Variants in PARP16 observed in about 807,000 individuals in gnomAD.
The protein encoded by PARP16 is protein mono-ADP-ribosyltransferase PARP16.
PARP16 carries 31 observed loss-of-function variants against 35.0 expected under a neutral mutation model. The observed-to-expected ratio is 0.88, with a 90% CI of 0.66 to 1.19. The LOEUF (loss-of-function observed/expected upper bound fraction) is 1.19. Ranked by LOEUF, PARP16 falls within the 50% of genes most tolerant of loss-of-function variation. The pLI, the probability that PARP16 is intolerant of heterozygous loss-of-function variation, is 0.00. For synonymous variants in PARP16, 162 were observed against 169.5 expected (o/e 0.96, Z 0.34); for missense variants, 424 against 411.2 (o/e 1.03, Z -0.27).
At chr15:65,237,743 C>T (rs2088925611) in intron 3 of PARP16, among the ~76,000 whole-genome samples, 1 of 152,192 alleles carries the variant, frequency 6.6e-6, no homozygotes, top group Admixed American at 6.5e-5. Context: ...TTCTGGCCTC[C>T]AGAACTGTAA....
chr15:65,244,193 G>A (rs138437265), intron 3 of PARP16, among the ~76,000 whole-genome samples: 1 of 152,114 alleles, frequency 6.6e-6, no homozygotes, highest in African/African-American at 2.4e-5. Flanking sequence ...TATATCCAGG[G>A]GATGGCCTGC....
chr15:65,277,117 C>T (rs1314988427), intron 1 of PARP16, among the ~76,000 whole-genome samples: 5 of 152,084 alleles, frequency 3.3e-5, no homozygotes, highest in Non-Finnish European at 7.3e-5. Flanking sequence ...CTTTGCTTAA[C>T]AGTACCTCCT....
intron 2 of PARP16, among the ~76,000 whole-genome samples, chr15:65,268,750 C>T (rs2089986642): frequency 6.6e-6 from 1 of 151,720 alleles, no homozygotes; most frequent in African/African-American, 2.4e-5. Context: ...TAGTCCATTT[C>T]AGTGGTTTTT....
At chr15:65,267,382 C>CG (rs1272456939) in intron 2 of PARP16, among the ~76,000 whole-genome samples, 1 of 151,772 alleles carries the variant, frequency 6.6e-6, no homozygotes, top group Non-Finnish European at 1.5e-5. Flanking sequence ...CCGAGGCAGG[C>CG]GGATCATGAG....
Position 65,260,936 on chromosome 15 carries a change from T to C in PARP16, c.782A>G (p.Gln261Arg), listed in dbSNP as rs2089689562. 2 of 1,614,052 alleles carry C rather than the reference T, an allele frequency of 1.2e-6. No individual in the cohort carries two copies. The highest frequency in any genetic ancestry group is 1.7e-5 in the Admixed American group (1 of 60,020). Residue 261 changes from glutamine (Q) to arginine (R), a missense_variant, in exon 5 of 6, where the codon CAG (glutamine) becomes CGG (arginine). Physicochemically the swap from Gln to Arg is conservative, Grantham distance 43 (BLOSUM62 1). Coordinates refer to ENST00000649807, the MANE Select transcript of PARP16 (RefSeq NM_001316943.2). ...CAGGAGGTACTTCACTCGCAGCAGCTGGTTATTGGTGACCACGAAGTACTT... is the reference window on the plus strand; with the variant it reads ...CAGGAGGTACTTCACTCGCAGCAGCCGGTTATTGGTGACCACGAAGTACTT... ...PPKYFVVTNN[Q>R]LLRVKYLLVY...
intron 1 of PARP16, among the ~76,000 whole-genome samples, chr15:65,280,899 C>T (rs539740109): frequency 4.5e-4 from 68 of 152,210 alleles, no homozygotes; most frequent in Admixed American, 3.3e-4. Flanking sequence ...AAGCTTCATG[C>T]AGTGCTTTTC....
intron 4 of PARP16, 54 bp from the exon 5 acceptor site, chr15:65,261,080 C>T: frequency 6.4e-7 from 1 of 1,557,008 alleles, no homozygotes; most frequent in Non-Finnish European, 8.8e-7. Context: ...ACTAAGGAAG[C>T]ACATTATAAA....
intron 1 of PARP16, among the ~76,000 whole-genome samples, chr15:65,281,252 G>A (rs770740000): frequency 2.0e-5 from 3 of 152,168 alleles, no homozygotes; most frequent in African/African-American, 7.2e-5. Context: ...AATGTTACAG[G>A]TTCTCTCATC....
chr15:65,238,290 G>GA lies in PARP16; in HGVS notation c.*98-3468dup, dbSNP rs200606012. On this transcript the variant is annotated intron_variant and NMD_transcript_variant, in intron 3 of 3. Coordinates refer to the PARP16 transcript ENST00000559805. ...CAAGAGCAAAAACTCTGCCTCAAAAGAAAAAAAAACATTTATTTGCTAATA... is the reference window on the plus strand; with the variant it reads ...CAAGAGCAAAAACTCTGCCTCAAAAGAAAAAAAAAACATTTATTTGCTAATA... 7.2e-4 allele frequency among the ~76,000 whole-genome samples: 108 copies of GA among 150,344 alleles called. No individual in the cohort carries two copies. The East Asian group carries it at 8.2e-3, about 11-fold the overall frequency.
chr15:65,285,157 A>C (rs1223931061), intron 1 of PARP16, among the ~76,000 whole-genome samples: 1 of 138,076 alleles, frequency 7.2e-6, no homozygotes, highest in African/African-American at 2.8e-5. Context: ...TTTTTTTTTT[A>C]ATGGAGTTTC....
chr15:65,245,334 T>A (rs2089181429), intron 3 of PARP16, among the ~76,000 whole-genome samples: 1 of 152,212 alleles, frequency 6.6e-6, no homozygotes, highest in African/African-American at 2.4e-5. Flanking sequence ...GTAGGACACG[T>A]TGCCACTATC....
At position 65,266,621 on chromosome 15, in the gene PARP16, T is replaced by A. The variant is rs2089899006; in HGVS notation, c.460A>T (p.Ser154Cys). The change falls in exon 3 of 6, where the codon AGC becomes TGC. Residue 154 changes from serine (S) to cysteine (C), a missense_variant. Physicochemically the swap from Ser to Cys is moderately radical, Grantham distance 112. Transcript: ENST00000649807. ...ATGGAATGGAAGTTTTCTAGGCGGCTACCATGAAATGCATAGATTAGGTCT... is the reference window on the plus strand; with the variant it reads ...ATGGAATGGAAGTTTTCTAGGCGGCAACCATGAAATGCATAGATTAGGTCT... ...ERDLIYAFHG[S>C]RLENFHSIIH... is the part of the protein sequence containing the mutation. The A allele has an allele frequency of 6.2e-7, 1 of 1,614,058 alleles. No homozygotes were observed. The highest frequency in any genetic ancestry group is 1.3e-5 in the African/African-American group (1 of 74,914).
At chr15:65,239,215 C>A (rs2088970951) in intron 3 of PARP16, among the ~76,000 whole-genome samples, 1 of 151,476 alleles carries the variant, frequency 6.6e-6, no homozygotes, top group South Asian at 2.1e-4. Flanking sequence ...ATCACGAGGT[C>A]AAGAGATCGA....
At chr15:65,273,735 GC>G (rs1388542208) in intron 1 of PARP16, among the ~76,000 whole-genome samples, 3 of 152,054 alleles carry the variant, frequency 2.0e-5, no homozygotes, top group Admixed American at 1.3e-4. Flanking sequence ...AATTAGCCGG[GC>G]GTAGTGGCAC....
chr15:65,231,668 A>G, downstream of PARP16, among the ~76,000 whole-genome samples: 1 of 152,054 alleles, frequency 6.6e-6, no homozygotes, highest in East Asian at 1.9e-4. Flanking sequence ...GGCTGGTCTC[A>G]AACTCCTGAC....
intron 5 of PARP16, among the ~76,000 whole-genome samples, chr15:65,259,930 T>A (rs2089646359): frequency 6.6e-6 from 1 of 152,158 alleles, no homozygotes; most frequent in Admixed American, 6.5e-5. Context: ...CATGCAGATA[T>A]AAATCCAAGC....
At chr15:65,259,563 A>G in intron 5 of PARP16, 21 bp from the exon 6 acceptor site, 1 of 1,610,936 alleles carries the variant, frequency 6.2e-7, no homozygotes, top group Admixed American at 1.7e-5. Context: ...GGGAAAAAAG[A>G]GTGGTGTTGG....
chr15:65,271,726 G>A (rs1484871723), intron 1 of PARP16, among the ~76,000 whole-genome samples: 1 of 152,182 alleles, frequency 6.6e-6, no homozygotes, highest in Non-Finnish European at 1.5e-5. Flanking sequence ...CCACCCACTG[G>A]AGGTGTGACT....
intron 3 of PARP16, among the ~76,000 whole-genome samples, chr15:65,265,041 G>A (rs1236541406): frequency 6.6e-6 from 1 of 152,210 alleles, no homozygotes; most frequent in East Asian, 1.9e-4. Flanking sequence ...AGAGCCAGTG[G>A]TGGACTGAGA....
Sources: gnomAD v4.1 joint callset for allele counts (sites outside exome capture counted in the v4.1 genomes callset) on GRCh38, gnomAD v4.1.1 for gene constraint, MANE v1.5 for transcripts, NCBI Gene and HGNC (gene_info 2026-07-23, HGNC 2026-07-21) for gene names.